ZFYVE28: variants seen among roughly 807,000 people sequenced by gnomAD.
ZFYVE28 encodes the protein zinc finger FYVE-type containing 28, also known as lateral signaling target protein 2 homolog.
In ZFYVE28, 40 loss-of-function variants were observed where a neutral mutation model predicts 82.1. The observed-to-expected ratio is 0.49, with a 90% CI of 0.38 to 0.63. ZFYVE28 has a LOEUF of 0.63. Ranked by LOEUF, ZFYVE28 falls within the 30% of genes least tolerant of loss-of-function variation. ZFYVE28 has a pLI of 0.00. For missense variants in ZFYVE28, 1,321 were observed against 1,242.1 expected (o/e 1.06, Z -0.96); for synonymous variants, 612 against 546.1 (o/e 1.12, Z -1.68).
chr4:2,367,364 G>T (rs192637393), intron 1 of ZFYVE28, among the ~76,000 whole-genome samples: 3 of 152,202 alleles, frequency 2.0e-5, no homozygotes, highest in Non-Finnish European at 4.4e-5. Flanking sequence ...GGTGTCCCCC[G>T]CTCAAGCCCC....
intron 7 of ZFYVE28, among the ~76,000 whole-genome samples, chr4:2,312,121 G>C (rs529661724): frequency 6.6e-6 from 1 of 151,734 alleles, no homozygotes; most frequent in South Asian, 2.1e-4. Context: ...CCTCACTCAG[G>C]CTGGTCTCGA....
intron 1 of ZFYVE28, among the ~76,000 whole-genome samples, chr4:2,360,405 AC>A (rs1347116754): frequency 2.0e-5 from 3 of 151,320 alleles, no homozygotes; most frequent in Non-Finnish European, 4.4e-5. Flanking sequence ...ACACACACAC[AC>A]ACACACACAC....
intron 7 of ZFYVE28, chr4:2,307,228 T>C (rs1371793327): frequency 1.3e-5 from 2 of 152,244 alleles, no homozygotes; most frequent in African/African-American, 4.8e-5. Context: ...TCAAGCTTTT[T>C]GCCCATTACT....
At position 2,271,790 on chromosome 4, in the gene ZFYVE28, AG is replaced by A. The variant is rs752055479; in HGVS notation, c.2324-12del. On this transcript the variant is annotated splice_polypyrimidine_tract_variant and intron_variant, in intron 10 of 12. Coordinates refer to ENST00000290974, the MANE Select transcript of ZFYVE28 (RefSeq NM_020972.3). ...GCAGAGTCTGGGTGACTAGTGGAGA[AG>A]GGGGGCCGTCGGGGTATGGTGAGGG... 2 of 1,612,218 alleles carry A rather than the reference AG, an allele frequency of 1.2e-6. No individual in the cohort carries two copies. The highest frequency in any genetic ancestry group is 1.7e-6 in the Non-Finnish European group (2 of 1,178,824).
At chr4:2,383,695 T>C (rs1323969438) in intron 1 of ZFYVE28, among the ~76,000 whole-genome samples, 3 of 152,310 alleles carry the variant, frequency 2.0e-5, no homozygotes, top group East Asian at 3.9e-4. Context: ...CAGTGCAGAC[T>C]GGAGTGAATG....
At chr4:2,275,820 G>A (rs1459611740) in intron 8 of ZFYVE28, among the ~76,000 whole-genome samples, 2 of 152,276 alleles carry the variant, frequency 1.3e-5, no homozygotes, top group African/African-American at 2.4e-5. Flanking sequence ...GCGCATCTGC[G>A]TCTGTCTGCA....
intron 3 of ZFYVE28, among the ~76,000 whole-genome samples, chr4:2,340,821 G>A (rs1022607252): frequency 1.3e-5 from 2 of 152,100 alleles, no homozygotes; most frequent in Non-Finnish European, 2.9e-5. Flanking sequence ...ACACAGGGAC[G>A]GGGCAGCGTG....
At position 2,409,115 on chromosome 4, in the gene ZFYVE28, G is replaced by A. The variant is rs1343818559; in HGVS notation, c.39+9170C>T. Among the ~76,000 whole-genome samples, 1 of 151,232 alleles carries A rather than the reference G, an allele frequency of 6.6e-6. No individual in the cohort carries two copies. The highest frequency in any genetic ancestry group is 1.5e-5 in the Non-Finnish European group (1 of 67,798). On this transcript the variant is annotated intron_variant, in intron 1 of 12. Transcript: ENST00000290974. This position sits in a 1 kb window ranked among gnomAD's most constrained non-coding sequence, Gnocchi z 4.4. ...GCCCCCCACCCTCACATTCCCCGTG[G>A]AGTTGCATGGCCATCAAACACACTG...
At chr4:2,338,330 G>A (rs773636354) in intron 4 of ZFYVE28, among the ~76,000 whole-genome samples, 2 of 152,220 alleles carry the variant, frequency 1.3e-5, no homozygotes, top group African/African-American at 4.8e-5. Context: ...GCTCACGCCT[G>A]TAATCCCAGC....
At chr4:2,326,325 T>A (rs1719847993) in intron 6 of ZFYVE28, among the ~76,000 whole-genome samples, 2 of 152,252 alleles carry the variant, frequency 1.3e-5, no homozygotes, top group African/African-American at 2.4e-5. Flanking sequence ...CCTTGTCTTC[T>A]TGGCACCTTT....
At chr4:2,292,689 T>C (rs1364330264) in intron 8 of ZFYVE28, among the ~76,000 whole-genome samples, 1 of 152,154 alleles carries the variant, frequency 6.6e-6, no homozygotes, top group Non-Finnish European at 1.5e-5. Flanking sequence ...CAAAGAAAAC[T>C]CCAGGCCCAG....
rs760800693 is a variant in ZFYVE28, at chr4:2,305,086, G to T, written c.1254C>A (p.Ser418=). 1 of 1,607,666 alleles carries T rather than the reference G, an allele frequency of 6.2e-7. No homozygotes were observed. The highest frequency in any genetic ancestry group is 8.5e-7 in the Non-Finnish European group (1 of 1,176,806). ...GTAEALARPE[S]PAGPFGWAGS... ...CTGCCCACCCAAATGGGCCAGCTGG[G>T]GACTCGGGCCTGGCCAGGGCTTCTG... Residue 418 remains serine, a synonymous_variant, in exon 8 of 13, where the codon TCC becomes TCA. Transcript: ENST00000290974.
intron 1 of ZFYVE28, among the ~76,000 whole-genome samples, chr4:2,396,847 G>A (rs1730525976): frequency 6.6e-6 from 1 of 152,218 alleles, no homozygotes; most frequent in South Asian, 2.1e-4. Context: ...CTGGGGGAGG[G>A]TACCTGACCC....
rs543560215 is a variant in ZFYVE28, at chr4:2,305,110, T to G, written c.1230A>C (p.Ala410=). Residue 410 remains alanine (A), a synonymous_variant, in exon 8 of 13, where the codon GCA becomes GCC. Coordinates refer to ENST00000290974, the MANE Select transcript of ZFYVE28 (RefSeq NM_020972.3). ...VFFMDDVEGT[A]EALARPESPA... ...GGGACTCGGGCCTGGCCAGGGCTTC[T>G]GCCGTCCCCTCCACGTCATCCATGA... The G allele has an allele frequency of 6.3e-7, 1 of 1,599,000 alleles. No individual in the cohort carries two copies. The highest frequency in any genetic ancestry group is 1.3e-5 in the African/African-American group (1 of 74,816).
intron 7 of ZFYVE28, among the ~76,000 whole-genome samples, chr4:2,313,315 C>A (rs1425945819): frequency 6.6e-6 from 1 of 151,788 alleles, no homozygotes; most frequent in Non-Finnish European, 1.5e-5. Context: ...GGCTGGAGTG[C>A]AGTGGGATGA....
At chr4:2,352,396 G>A (rs1283302839) in intron 2 of ZFYVE28, among the ~76,000 whole-genome samples, 3 of 151,974 alleles carry the variant, frequency 2.0e-5, no homozygotes, top group African/African-American at 7.3e-5. Flanking sequence ...GGGGAGGAAG[G>A]GGAGATAGGA....
Position 2,270,624 on chromosome 4 carries a change from G to A in ZFYVE28, c.*101C>T, listed in dbSNP as rs574620262. The A allele has an allele frequency of 2.2e-5, 33 of 1,522,426 alleles. No homozygotes were observed. The East Asian group carries it at 4.4e-4, about 20-fold the overall frequency. The allele number at this position is 1,522,426 out of a possible 1,614,324, so 94.3% of individuals were successfully genotyped here. ...GAGGTCTGGGTGCCCCTGCAGCAGC[G>A]GCAGCGGCCTCATGAGACGCAGTGA... On this transcript the variant is annotated 3_prime_UTR_variant, in exon 13 of 13. Transcript: ENST00000290974.
intron 7 of ZFYVE28, among the ~76,000 whole-genome samples, chr4:2,313,594 G>A (rs1300661411): frequency 4.6e-5 from 7 of 152,162 alleles, no homozygotes; most frequent in South Asian, 2.1e-4. Flanking sequence ...GGGTGGGCCC[G>A]GTGGCTCATG....
chr4:2,418,002 T>C lies in ZFYVE28; in HGVS notation c.39+283A>G, dbSNP rs1733293191. Among the ~76,000 whole-genome samples the C allele has an allele frequency of 6.8e-6, 1 of 147,846 alleles. No individual in the cohort carries two copies. The highest frequency in any genetic ancestry group is 1.5e-5 in the Non-Finnish European group (1 of 66,686). The stretch of plus-strand genomic sequence containing the variant: ...GAGGGAGAGGGGCCCGTTGTGGCCC[T>C]GGATAGAGGGGGAGGGAAAGTGCGC... On this transcript the variant is annotated intron_variant, in intron 1 of 12. Coordinates refer to ENST00000290974, the MANE Select transcript of ZFYVE28 (RefSeq NM_020972.3). This position sits in a 1 kb window ranked among gnomAD's most constrained non-coding sequence, Gnocchi z 4.6.
Sources: gnomAD v4.1 joint callset for allele counts (sites outside exome capture counted in the v4.1 genomes callset) on GRCh38, gnomAD v4.1.1 for gene constraint, Gnocchi (gnomAD v3.1) non-coding constraint, MANE v1.5 for transcripts, NCBI Gene and HGNC (gene_info 2026-07-23, HGNC 2026-07-21) for gene names.